Variants in TMEM132D observed in about 807,000 individuals in gnomAD.
TMEM132D encodes mature OL transmembrane protein.
TMEM132D carries 21 observed loss-of-function variants against 62.3 expected under a neutral mutation model. The observed-to-expected ratio is 0.34, with a 90% confidence interval of 0.24 to 0.49. The LOEUF (loss-of-function observed/expected upper bound fraction) is 0.49. Ranked by LOEUF, TMEM132D falls within the 20% of genes least tolerant of loss-of-function variation. TMEM132D has a pLI of 0.99. For synonymous variants in TMEM132D, 621 were observed against 575.6 expected, an observed-to-expected ratio of 1.08 and a Z score of -1.13; for missense variants, 1,346 against 1,402.8, an observed-to-expected ratio of 0.96 and a Z score of 0.65.
chr12:129,114,936 C>G (rs952513686), intron 5 of TMEM132D, among the ~76,000 whole-genome samples: 4 of 152,206 alleles, frequency 2.6e-5, no homozygotes, highest in Non-Finnish European at 4.4e-5. Flanking sequence ...TTCTGGACAT[C>G]TGGGTGTTTC....
intron 3 of TMEM132D, among the ~76,000 whole-genome samples, chr12:129,433,445 C>A (rs1349607625): frequency 1.3e-5 from 2 of 152,108 alleles, no homozygotes; most frequent in African/African-American, 4.8e-5. Context: ...TTGTTTATTT[C>A]CCCTCATTGC....
At chr12:129,869,623 G>A (rs971312380) in intron 1 of TMEM132D, among the ~76,000 whole-genome samples, 3 of 152,146 alleles carry the variant, frequency 2.0e-5, no homozygotes, top group Non-Finnish European at 4.4e-5. Context: ...CAGAACCCAC[G>A]AATACAGAGC....
intron 1 of TMEM132D, among the ~76,000 whole-genome samples, chr12:129,819,491 A>G (rs914184424): frequency 6.6e-6 from 1 of 152,146 alleles, no homozygotes; most frequent in African/African-American, 2.4e-5. Flanking sequence ...ACAACTCCAC[A>G]CGCCCCAGGT....
chr12:129,737,771 G>C (rs559791756), intron 1 of TMEM132D, among the ~76,000 whole-genome samples: 3 of 152,306 alleles, frequency 2.0e-5, no homozygotes, highest in Middle Eastern at 3.4e-3. Context: ...AAAATACAAA[G>C]AGCAGTAATG....
chr12:129,284,709 A>G (rs1881243445), intron 4 of TMEM132D, among the ~76,000 whole-genome samples: 1 of 152,276 alleles, frequency 6.6e-6, no homozygotes, highest in African/African-American at 2.4e-5. Context: ...TAGCATATAA[A>G]TACAATGGAA....
chr12:129,078,275 C>T (rs1453010686), intron 8 of TMEM132D, among the ~76,000 whole-genome samples: 1 of 152,200 alleles, frequency 6.6e-6, no homozygotes, highest in African/African-American at 2.4e-5. Context: ...GGCTCCTGCC[C>T]CTTAATGGCT....
chr12:129,475,981 T>C (rs1288403878), intron 3 of TMEM132D, among the ~76,000 whole-genome samples: 1 of 152,260 alleles, frequency 6.6e-6, no homozygotes, highest in Non-Finnish European at 1.5e-5. Flanking sequence ...TCAAGTTTTA[T>C]GCTCACGTAT....
chr12:129,229,010 C>T (rs760974376), intron 4 of TMEM132D, among the ~76,000 whole-genome samples: 30 of 152,184 alleles, frequency 2.0e-4, no homozygotes, highest in African/African-American at 6.5e-4. Context: ...CCAGAGCTGA[C>T]GTCTCCATTG....
At chr12:129,737,496 G>T (rs1228102938) in intron 1 of TMEM132D, among the ~76,000 whole-genome samples, 1 of 151,944 alleles carries the variant, frequency 6.6e-6, no homozygotes, top group Non-Finnish European at 1.5e-5. Context: ...GTATAAATTG[G>T]CTAGACACAA....
intron 3 of TMEM132D, among the ~76,000 whole-genome samples, chr12:129,511,023 G>T (rs4759584): frequency 6.6e-6 from 1 of 152,196 alleles, no homozygotes; most frequent in African/African-American, 2.4e-5. Flanking sequence ...ATAGCTTTGG[G>T]TATTCTAGGT....
At chr12:129,493,894 G>A (rs1874871374) in intron 3 of TMEM132D, among the ~76,000 whole-genome samples, 1 of 152,192 alleles carries the variant, frequency 6.6e-6, no homozygotes, top group Non-Finnish European at 1.5e-5. Context: ...AATTGAGAAA[G>A]AGAGAAAAGC....
chr12:129,334,056 G>T lies in TMEM132D; in HGVS notation c.1299+3578C>A, dbSNP rs539792375. On this transcript the variant is annotated intron_variant, in intron 4 of 8. Transcript: ENST00000422113. Reference sequence around the variant, plus strand: ...GAATCGCTTGAACCTGGGGGGCAGAGGTTGCAATGAGCTGAGATCACGCCA... The same window carrying T: ...GAATCGCTTGAACCTGGGGGGCAGATGTTGCAATGAGCTGAGATCACGCCA... 2.0e-5 allele frequency among the ~76,000 whole-genome samples: 3 copies of T among 152,276 alleles called. No homozygotes were observed. The East Asian group carries it at 5.8e-4, about 29-fold the overall frequency.
chr12:129,388,408 A>G (rs187576319), intron 3 of TMEM132D, among the ~76,000 whole-genome samples: 92 of 81,070 alleles, frequency 1.1e-3, no homozygotes, highest in Admixed American at 1.5e-3. Flanking sequence ...TCCTAATATA[A>G]ACACTAACAG....
chr12:129,216,242 C>A (rs1338730678), intron 4 of TMEM132D, among the ~76,000 whole-genome samples: 1 of 152,168 alleles, frequency 6.6e-6, no homozygotes, highest in Non-Finnish European at 1.5e-5. Context: ...AGAACAGCAC[C>A]TGGTAACTAA....
intron 2 of TMEM132D, among the ~76,000 whole-genome samples, chr12:129,568,991 T>C (rs1271291844): frequency 1.3e-5 from 2 of 152,176 alleles, no homozygotes; most frequent in African/African-American, 4.8e-5. Context: ...GTTTCTGAGT[T>C]AGCAGGTTTG....
intron 1 of TMEM132D, among the ~76,000 whole-genome samples, chr12:129,736,614 T>TG (rs898014489): frequency 1.5e-4 from 1 of 6,822 alleles, no homozygotes; most frequent in Non-Finnish European, 1.3e-3. Flanking sequence ...TTTATAGTAT[T>TG]GAAAAAAAAA....
intron 4 of TMEM132D, among the ~76,000 whole-genome samples, chr12:129,255,818 G>T (rs974738319): frequency 6.6e-6 from 1 of 152,196 alleles, no homozygotes; most frequent in Non-Finnish European, 1.5e-5. Flanking sequence ...GAGGAAGAGG[G>T]TTCTCTTTTA....
intron 5 of TMEM132D, among the ~76,000 whole-genome samples, chr12:129,105,570 G>A (rs200637361): frequency 1.0e-4 from 15 of 142,952 alleles, no homozygotes; most frequent in African/African-American, 1.1e-4. Context: ...AAAAAAAAAA[G>A]AAAAAAACAA....
At chr12:129,132,986 C>T (rs10847777) in intron 5 of TMEM132D, among the ~76,000 whole-genome samples, 7,843 of 152,152 alleles carry the variant, frequency 0.052, 457 homozygotes, top group East Asian at 0.3. Flanking sequence ...TGGCTCTCTC[C>T]TCTGATGTCT....
Sources: gnomAD v4.1 joint callset for allele counts (sites outside exome capture counted in the v4.1 genomes callset) on GRCh38, gnomAD v4.1.1 for gene constraint, MANE v1.5 for transcripts, NCBI Gene and HGNC (gene_info 2026-07-23, HGNC 2026-07-21) for gene names.